Variants in LRP1B observed in about 807,000 individuals in gnomAD.
LRP1B encodes the protein low-density lipoprotein receptor-related protein 1B.
LRP1B carries 217 observed loss-of-function variants against 556.6 expected under a neutral mutation model. That is an observed-to-expected ratio of 0.39 (90% confidence interval 0.35 to 0.44). LRP1B has a LOEUF of 0.44. LRP1B is among the 20% of genes least tolerant of loss of function. The pLI, the probability that LRP1B is intolerant of heterozygous loss-of-function variation, is 1.00. For missense variants in LRP1B, 5,053 were observed against 5,620.8 expected (o/e 0.90, Z 3.23); for synonymous variants, 2,047 against 1,865.8 (o/e 1.10, Z -2.50).
At chr2:141,554,444 T>C (rs933557533) in intron 2 of LRP1B, among the ~76,000 whole-genome samples, 5 of 150,990 alleles carry the variant, frequency 3.3e-5, no homozygotes, top group Non-Finnish European at 7.4e-5. Context: ...CATATAACAC[T>C]TCTGTAAAAA....
chr2:140,986,883 T>C (rs1343263781), intron 17 of LRP1B, among the ~76,000 whole-genome samples: 1 of 152,048 alleles, frequency 6.6e-6, no homozygotes, highest in Non-Finnish European at 1.5e-5. Context: ...TGGACAAGGG[T>C]TTTCTTTTAG....
intron 24 of LRP1B, among the ~76,000 whole-genome samples, chr2:140,884,301 C>CA (rs142408779): frequency 0.052 from 7,780 of 150,030 alleles, 234 homozygotes; most frequent in South Asian, 0.093. Context: ...GTTGAGGTTG[C>CA]AAAAAAAAAG....
chr2:141,294,521 C>T (rs1447919628), intron 3 of LRP1B, among the ~76,000 whole-genome samples: 3 of 151,022 alleles, frequency 2.0e-5, no homozygotes, highest in Non-Finnish European at 4.4e-5. Flanking sequence ...CCAGGAGTTC[C>T]AGACCAGCTT....
At position 141,247,139 on chromosome 2, in the gene LRP1B, C is replaced by T. The variant is rs2105326527; in HGVS notation, c.592+87G>A. Reference sequence around the variant, plus strand: ...ATCTCTCTCTTCAAAGTCCATATTTCTGCTATACCACATCTCTAATGAAAA... The same window carrying T: ...ATCTCTCTCTTCAAAGTCCATATTTTTGCTATACCACATCTCTAATGAAAA... On this transcript the variant is annotated intron_variant, in intron 5 of 90. Transcript: ENST00000389484. 6.2e-6 allele frequency: 9 copies of T among 1,462,570 alleles called. 1 individual carries two copies. In the South Asian group the frequency reaches 1.0e-4, roughly 17 times the overall value. 90.6% of individuals were successfully genotyped at this position (1,462,570 alleles called of 1,614,324 possible).
intron 21 of LRP1B, among the ~76,000 whole-genome samples, chr2:140,922,232 A>G (rs1363270093): frequency 6.6e-6 from 1 of 152,008 alleles, no homozygotes; most frequent in Non-Finnish European, 1.5e-5. Context: ...ATAGTAGAAT[A>G]TAAGACATTC....
chr2:140,623,060 T>TA (rs1359719477), intron 41 of LRP1B, among the ~76,000 whole-genome samples: 3 of 152,034 alleles, frequency 2.0e-5, no homozygotes, highest in African/African-American at 4.8e-5. Context: ...CCTTAGAACA[T>TA]AAAAAAATGG....
At chr2:140,748,962 A>T (rs372979373) in intron 35 of LRP1B, among the ~76,000 whole-genome samples, 1 of 150,960 alleles carries the variant, frequency 6.6e-6, no homozygotes, top group East Asian at 2.0e-4. Flanking sequence ...ACAAGCCAAG[A>T]TGGTATAAAC....
chr2:141,098,973 C>A (rs951405092), intron 7 of LRP1B, among the ~76,000 whole-genome samples: 2 of 152,122 alleles, frequency 1.3e-5, no homozygotes, highest in Non-Finnish European at 2.9e-5. Flanking sequence ...CTCATTAAGG[C>A]TTTTTAGCTT....
intron 27 of LRP1B, among the ~76,000 whole-genome samples, chr2:140,864,438 C>T (rs1692889049): frequency 6.6e-6 from 1 of 151,958 alleles, no homozygotes; most frequent in Admixed American, 6.6e-5. Context: ...GAGAAGGAGT[C>T]TTAGATGGAG....
At chr2:141,178,742 T>G (rs1680853890) in intron 7 of LRP1B, among the ~76,000 whole-genome samples, 1 of 152,044 alleles carries the variant, frequency 6.6e-6, no homozygotes, top group Non-Finnish European at 1.5e-5. Context: ...TCCAGTTATG[T>G]CAATATATCT....
chr2:140,443,857 T>C (rs1357602591), intron 65 of LRP1B, among the ~76,000 whole-genome samples: 1 of 152,216 alleles, frequency 6.6e-6, no homozygotes, highest in African/African-American at 2.4e-5. Flanking sequence ...TTTGTAGAAG[T>C]TAAATTTTTG....
At chr2:140,692,871 T>A (rs1002152209) in intron 41 of LRP1B, among the ~76,000 whole-genome samples, 2 of 151,110 alleles carry the variant, frequency 1.3e-5, no homozygotes, top group Admixed American at 1.3e-4. Context: ...ACCCTGAGTT[T>A]ATAAAGATAT....
At chr2:140,483,634 ATATATATTTT>A (rs1192262276) in intron 59 of LRP1B, among the ~76,000 whole-genome samples, 6 of 59,662 alleles carry the variant, frequency 1.0e-4, no homozygotes, top group South Asian at 6.4e-4. Context: ...ATATATATAT[ATATATATTTT>A]TTTTTTTTTT....
At chr2:141,026,020 T>C (rs962067182) in intron 11 of LRP1B, among the ~76,000 whole-genome samples, 1 of 152,078 alleles carries the variant, frequency 6.6e-6, no homozygotes, top group Admixed American at 6.6e-5. Context: ...TCATTGTGAA[T>C]GGGGAGAAAG....
chr2:141,504,809 A>G (rs953924033), intron 2 of LRP1B, among the ~76,000 whole-genome samples: 2 of 152,148 alleles, frequency 1.3e-5, no homozygotes, highest in African/African-American at 2.4e-5. Flanking sequence ...TTAGATTTTA[A>G]TTAATTCAAA....
intron 2 of LRP1B, among the ~76,000 whole-genome samples, chr2:141,508,086 C>CTCT (rs1553523441): frequency 3.3e-5 from 1 of 30,250 alleles, no homozygotes; most frequent in African/African-American, 1.0e-4. Flanking sequence ...ACTCCATCCC[C>CTCT]CCCCCAAAAA....
chr2:140,712,778 C>T (rs1687079321), intron 37 of LRP1B, among the ~76,000 whole-genome samples: 1 of 151,990 alleles, frequency 6.6e-6, no homozygotes, highest in African/African-American at 2.4e-5. Context: ...TAAAAATATG[C>T]AATACCATCC....
intron 1 of LRP1B, among the ~76,000 whole-genome samples, chr2:142,089,542 T>TA (rs1477799258): frequency 6.6e-6 from 1 of 152,204 alleles, no homozygotes; most frequent in African/African-American, 2.4e-5. Flanking sequence ...GGCCAGGTCT[T>TA]ACATTTAAAA....
intron 1 of LRP1B, among the ~76,000 whole-genome samples, chr2:141,906,744 G>A (rs901860328): frequency 2.0e-5 from 3 of 152,022 alleles, no homozygotes; most frequent in African/African-American, 4.8e-5. Flanking sequence ...GTGTGTGCAT[G>A]CATATTTGTG....
Sources: gnomAD v4.1 joint callset for allele counts (sites outside exome capture counted in the v4.1 genomes callset) on GRCh38, gnomAD v4.1.1 for gene constraint, MANE v1.5 for transcripts, NCBI Gene and HGNC (gene_info 2026-07-23, HGNC 2026-07-21) for gene names.